SUPT3H: variants seen among roughly 807,000 people sequenced by gnomAD.
SUPT3H encodes the protein transcription initiation protein SPT3 homolog.
Under a neutral mutation model 44.3 loss-of-function variants are expected in SUPT3H, and 44 were observed. That is an observed-to-expected ratio of 0.99 (90% CI 0.78 to 1.28). The LOEUF is 1.28. SUPT3H is among the 50% of genes most tolerant of loss of function. The pLI is 0.00. For synonymous variants in SUPT3H, 124 were observed against 125.6 expected, an observed-to-expected ratio of 0.99 and a Z score of 0.09; for missense variants, 380 against 387.1, an observed-to-expected ratio of 0.98 and a Z score of 0.15.
intron 10 of SUPT3H, among the ~76,000 whole-genome samples, chr6:44,918,153 C>A (rs1447073095): frequency 6.6e-6 from 1 of 152,154 alleles, no homozygotes; most frequent in Non-Finnish European, 1.5e-5. Context: ...TGAAACCACT[C>A]CCACAAATAG....
At chr6:44,923,852 A>T (rs1769111648) in intron 10 of SUPT3H, among the ~76,000 whole-genome samples, 1 of 152,102 alleles carries the variant, frequency 6.6e-6, no homozygotes, top group Non-Finnish European at 1.5e-5. Context: ...AAAACAATAA[A>T]CAATTTTATA....
At chr6:44,888,274 C>G (rs1022613132) in intron 10 of SUPT3H, among the ~76,000 whole-genome samples, 1 of 152,184 alleles carries the variant, frequency 6.6e-6, no homozygotes, top group Admixed American at 6.5e-5. Flanking sequence ...ATGAGGCCAG[C>G]ATCATCCTGA....
chr6:45,007,991 A>T (rs956722425), intron 5 of SUPT3H, among the ~76,000 whole-genome samples: 1 of 152,166 alleles, frequency 6.6e-6, no homozygotes, highest in Non-Finnish European at 1.5e-5. Context: ...AGGTTCATCC[A>T]TGTTTTAGCA....
At chr6:45,241,046 G>A (rs754496793) in intron 2 of SUPT3H, among the ~76,000 whole-genome samples, 1 of 152,168 alleles carries the variant, frequency 6.6e-6, no homozygotes, top group Non-Finnish European at 1.5e-5. Flanking sequence ...CTTGGAAGCT[G>A]GGTGATTTCA....
At position 44,829,594 on chromosome 6, in the gene SUPT3H, C is replaced by T. The variant is rs1458177340; in HGVS notation, c.*222G>A. On this transcript the variant is annotated 3_prime_UTR_variant, in exon 11 of 11. Coordinates refer to ENST00000371459, the MANE Select transcript of SUPT3H (RefSeq NM_003599.4). ...CATTCTTGTCCACCTACAGACTATCCTAAACATCCTGCCATTAATTAGCTG... is the reference window on the plus strand; with the variant it reads ...CATTCTTGTCCACCTACAGACTATCTTAAACATCCTGCCATTAATTAGCTG... The T allele has an allele frequency of 3.8e-6, 2 of 530,844 alleles. No homozygotes were observed. Among genetic ancestry groups the T allele is most frequent in the Admixed American group, 7.0e-5 (2 of 28,614 alleles). The allele number at this position is 530,844 out of a possible 1,614,324, so 32.9% of individuals were successfully genotyped here. A position where few individuals can be genotyped will look rare whatever the true frequency, so the allele number is the denominator to read the frequency against.
At chr6:45,278,194 A>T (rs1777342876) in intron 2 of SUPT3H, among the ~76,000 whole-genome samples, 1 of 152,166 alleles carries the variant, frequency 6.6e-6, no homozygotes, top group African/African-American at 2.4e-5. Flanking sequence ...CCTAATGTAG[A>T]TGACGAGTTG....
intron 9 of SUPT3H, among the ~76,000 whole-genome samples, chr6:44,945,184 A>T (rs186067144): frequency 4.8e-4 from 73 of 152,252 alleles, no homozygotes; most frequent in Admixed American, 8.5e-4. Context: ...ATGAGATAGC[A>T]AATTTAATAA....
chr6:45,356,715 T>C (rs2150224561), intron 2 of SUPT3H, among the ~76,000 whole-genome samples: 1 of 152,202 alleles, frequency 6.6e-6, no homozygotes, highest in African/African-American at 2.4e-5. Flanking sequence ...CAATTCTCAT[T>C]TCTTTGGCTG....
chr6:45,112,765 T>TTG (rs1800260165), intron 2 of SUPT3H, among the ~76,000 whole-genome samples: 1 of 152,044 alleles, frequency 6.6e-6, no homozygotes, highest in African/African-American at 2.4e-5. Context: ...ATACAAGGCC[T>TTG]ACAAGCAGAT....
At chr6:45,312,826 G>A (rs1455328978) in intron 2 of SUPT3H, among the ~76,000 whole-genome samples, 1 of 151,920 alleles carries the variant, frequency 6.6e-6, no homozygotes, top group East Asian at 1.9e-4. Flanking sequence ...TCCAACAACT[G>A]CAGAATACAC....
intron 6 of SUPT3H, among the ~76,000 whole-genome samples, chr6:44,990,257 A>T (rs1196103571): frequency 6.6e-6 from 1 of 151,998 alleles, no homozygotes; most frequent in Non-Finnish European, 1.5e-5. Flanking sequence ...CCCATTGTGC[A>T]TTCTTGACAC....
chr6:44,907,087 T>C (rs1262290558), intron 10 of SUPT3H, among the ~76,000 whole-genome samples: 1 of 152,194 alleles, frequency 6.6e-6, no homozygotes, highest in Non-Finnish European at 1.5e-5. Context: ...TTTCTCAAAT[T>C]AGAAAACTAT....
chr6:44,946,332 T>C (rs1000929131), intron 9 of SUPT3H, among the ~76,000 whole-genome samples: 2 of 152,238 alleles, frequency 1.3e-5, no homozygotes, highest in Non-Finnish European at 2.9e-5. Context: ...GTTTTATTAC[T>C]TAAGAAATAT....
intron 2 of SUPT3H, among the ~76,000 whole-genome samples, chr6:45,151,660 T>G: frequency 6.6e-6 from 1 of 152,202 alleles, no homozygotes; most frequent in Admixed American, 6.6e-5. Flanking sequence ...TAATTAATTA[T>G]GACGTAAAAA....
intron 3 of SUPT3H, among the ~76,000 whole-genome samples, chr6:45,062,895 C>A (rs1792415367): frequency 6.6e-6 from 1 of 152,016 alleles, no homozygotes; most frequent in South Asian, 2.1e-4. Context: ...GGGGCGCCTG[C>A]CATTGCCCAG....
At position 45,076,502 on chromosome 6, in the gene SUPT3H, GA is replaced by G. The variant is rs11411267; in HGVS notation, c.186+29419del. On this transcript the variant is annotated intron_variant, in intron 3 of 10. Coordinates refer to ENST00000371459, the MANE Select transcript of SUPT3H (RefSeq NM_003599.4). ...TATCATAAAGAATATACTACAAGAA[GA>G]AAAAAAAAAAACTAGGGCAGAGACT... Among the ~76,000 whole-genome samples the G allele has an allele frequency of 1.6e-3, 224 of 142,904 alleles. 2 individuals carry two copies. Among genetic ancestry groups the G allele is most frequent in the African/African-American group, 5.1e-3 (196 of 38,128 alleles). 93.8% of individuals were successfully genotyped at this position (142,904 alleles called of 152,430 possible).
intron 2 of SUPT3H, among the ~76,000 whole-genome samples, chr6:45,294,028 AC>A: frequency 6.6e-6 from 1 of 152,270 alleles, no homozygotes; most frequent in South Asian, 2.1e-4. Context: ...AAAGGACATA[AC>A]CAAAAAAAGA....
At chr6:45,045,223 T>G (rs2153532496) in intron 3 of SUPT3H, among the ~76,000 whole-genome samples, 1 of 152,274 alleles carries the variant, frequency 6.6e-6, no homozygotes, top group East Asian at 1.9e-4. Context: ...CAGAGAATCC[T>G]AGAAGACCAT....
At chr6:45,234,144 T>G (rs1053552013) in intron 2 of SUPT3H, among the ~76,000 whole-genome samples, 1 of 152,166 alleles carries the variant, frequency 6.6e-6, no homozygotes, top group African/African-American at 2.4e-5. Context: ...TATGTATAAT[T>G]GACTTTCATA....
Sources: allele counts gnomAD v4.1 joint callset (sites outside exome capture counted in the v4.1 genomes callset), GRCh38; gene constraint gnomAD v4.1.1; transcripts MANE v1.5; gene names NCBI Gene and HGNC (gene_info 2026-07-23, HGNC 2026-07-21).